Variants in HEBP1 observed in about 807,000 individuals in gnomAD.
HEBP1 encodes the protein heme-binding protein 1.
Under a neutral mutation model 20.4 loss-of-function variants are expected in HEBP1, and 13 were observed. The observed-to-expected ratio is 0.64, with a 90% CI of 0.42 to 1.01. The LOEUF (loss-of-function observed/expected upper bound fraction) is 1.01, where lower values mean the gene tolerates loss of function less well. Among genes scored for constraint, HEBP1 ranks in the 50% least tolerant of loss-of-function variants. The pLI is 0.00. For synonymous variants in HEBP1, 92 were observed against 90.7 expected, an observed-to-expected ratio of 1.01 and a Z score of -0.08; for missense variants, 241 against 247.3, an observed-to-expected ratio of 0.97 and a Z score of 0.17.
At chr12:12,975,598 T>A in intron 3 of HEBP1, 119 bp from the exon 4 acceptor site, 2 of 818,948 alleles carry the variant, frequency 2.4e-6, no homozygotes, top group East Asian at 3.1e-5. Flanking sequence ...GTGGTAAGAC[T>A]GGGGACTGAG....
At chr12:12,997,313 A>C (rs1350418479) in intron 1 of HEBP1, among the ~76,000 whole-genome samples, 1 of 152,236 alleles carries the variant, frequency 6.6e-6, no homozygotes, top group African/African-American at 2.4e-5. Context: ...TTAGAGCAGA[A>C]GCACTTCGAT....
chr12:12,985,096 C>T (rs1323934452), intron 3 of HEBP1, among the ~76,000 whole-genome samples: 1 of 148,952 alleles, frequency 6.7e-6, no homozygotes, highest in East Asian at 2.0e-4. Context: ...TGCAGTGAGC[C>T]AAGATCGCAC....
Position 13,000,040 on chromosome 12 carries a change from G to T in HEBP1, c.75C>A (p.Asp25Glu), listed in dbSNP as rs767626759. The change falls in exon 1 of 4, where the codon GAC (aspartate) becomes GAA (glutamate). Residue 25 changes from aspartate to glutamate, a missense_variant. Asp to Glu is a conservative substitution (Grantham distance 45). Transcript: ENST00000014930. ...CTCGGCAGCCCTGCGGGCCTACCTT[G>T]TCCCCTTTGCTTAGGACCTGCCAAG... The part of the protein sequence containing the change: ...TWPWQVLSKG[D>E]KEEVAYEERA... 1.2e-6 allele frequency: 2 copies of T among 1,609,158 alleles called. No homozygotes were observed. Among genetic ancestry groups the T allele is most frequent in the Non-Finnish European group, 1.7e-6 (2 of 1,176,700 alleles).
In HEBP1 at chr12:12,981,105, G is replaced by A. The variant is rs1400392316; in HGVS notation, c.399-5626C>T. ...TGATGAAGACCTGTGTAGATGGAAG[G>A]GAAGGAAGGGACAGCTGGGAGCTGA... On this transcript the variant is annotated intron_variant, in intron 3 of 3. Coordinates refer to ENST00000014930, the MANE Select transcript of HEBP1 (RefSeq NM_015987.5). Among the ~76,000 whole-genome samples, 8 of 147,126 alleles carry A rather than the reference G, an allele frequency of 5.4e-5. No individual in the cohort carries two copies. In the South Asian group the frequency reaches 1.3e-3, roughly 24 times the overall value.
At position 12,987,210 on chromosome 12, in the gene HEBP1, C is replaced by T. The variant is rs1246131947; in HGVS notation, c.340G>A (p.Ala114Thr). ...ATCTTAACGCTTTTGTCACTGGGAG[C>T]TGGTGGGTCGCTTTGAAATTGGTTT... Reference protein sequence around the residue: ...IPNQFQSDPPAPSDKSVKIEE... With the variant: ...IPNQFQSDPPTPSDKSVKIEE... The change falls in exon 3 of 4, where the codon GCT (alanine) becomes ACT (threonine). Residue 114 changes from alanine (A) to threonine (T), a missense_variant. Transcript: ENST00000014930. 1 of 1,614,076 alleles carries T rather than the reference C, an allele frequency of 6.2e-7. No individual in the cohort carries two copies. The highest frequency in any genetic ancestry group is 1.3e-5 in the African/African-American group (1 of 75,010).
chr12:12,985,401 A>G (rs1864139169), intron 3 of HEBP1, among the ~76,000 whole-genome samples: 1 of 152,156 alleles, frequency 6.6e-6, no homozygotes, highest in Non-Finnish European at 1.5e-5. Context: ...TCGTTGCTGT[A>G]GGTAGGGGAT....
intron 1 of HEBP1, among the ~76,000 whole-genome samples, chr12:12,991,524 A>G (rs1864226017): frequency 6.6e-6 from 1 of 151,932 alleles, no homozygotes; most frequent in African/African-American, 2.4e-5. Flanking sequence ...CCTGGTGTTT[A>G]CTCATTATGG....
intron 3 of HEBP1, chr12:12,983,661 GAT>G (rs1697389155): frequency 2.2e-6 from 1 of 455,930 alleles, no homozygotes. Flanking sequence ...GTTGAGGAAT[GAT>G]CATATGCTGT....
In HEBP1 at chr12:12,987,612, T is replaced by TCTCTCTCTCTCTCTCTCTCTCTCTCTCTC. The variant is rs1230851526; in HGVS notation, c.218-281_218-280insGAGAGAGAGAGAGAGAGAGAGAGAGAGAG. Among the ~76,000 whole-genome samples, 2 of 117,786 alleles carry TCTCTCTCTCTCTCTCTCTCTCTCTCTCTC rather than the reference T, an allele frequency of 1.7e-5. 1 individual carries two copies. The highest frequency in any genetic ancestry group is 6.2e-5 in the African/African-American group (2 of 32,518). The allele number at this position is 117,786 out of a possible 152,430, so 77.3% of individuals were successfully genotyped here. On this transcript the variant is annotated intron_variant, in intron 2 of 3. Transcript: ENST00000014930. The stretch of plus-strand genomic sequence containing the variant: ...TCTTTCTCTCTCTCTCTCTCTCTCT[T>TCTCTCTCTCTCTCTCTCTCTCTCTCTCTC]TCTCTCTCTCTCTCTCTCTCTCTTT...
chr12:12,976,077 CAAAA>C (rs56110606), intron 3 of HEBP1, among the ~76,000 whole-genome samples: 15 of 85,896 alleles, frequency 1.7e-4, no homozygotes, highest in Non-Finnish European at 2.6e-4. Context: ...GACCCTGTGT[CAAAA>C]AAAAAAAAAA....
intron 1 of HEBP1, among the ~76,000 whole-genome samples, chr12:12,999,482 G>A (rs1864328430): frequency 6.6e-6 from 1 of 152,240 alleles, no homozygotes; most frequent in Admixed American, 6.5e-5. Flanking sequence ...CTTGGACAAA[G>A]GGGCATTCCG....
At chr12:12,976,204 A>C (rs578074150) in intron 3 of HEBP1, among the ~76,000 whole-genome samples, 3 of 152,244 alleles carry the variant, frequency 2.0e-5, no homozygotes, top group Non-Finnish European at 4.4e-5. Context: ...ACATGCCCCA[A>C]ATAAAGAAAT....
intron 3 of HEBP1, chr12:12,984,405 C>T (rs566373092): frequency 2.6e-5 from 4 of 152,360 alleles, no homozygotes; most frequent in East Asian, 1.9e-4. Context: ...AACACCACCA[C>T]GTAGGAAATA....
chr12:12,992,626 C>A (rs1864238557), intron 1 of HEBP1, among the ~76,000 whole-genome samples: 1 of 152,172 alleles, frequency 6.6e-6, no homozygotes, highest in South Asian at 2.1e-4. Context: ...CTGTGGGGCA[C>A]CGTGCTGAAT....
At chr12:12,990,126 A>G (rs1409770957) in intron 1 of HEBP1, among the ~76,000 whole-genome samples, 2 of 17,968 alleles carry the variant, frequency 1.1e-4, no homozygotes, top group East Asian at 2.6e-3. Context: ...GCACACACAC[A>G]CACACACACA....
At chr12:12,987,918 G>A (rs1472148140) in intron 2 of HEBP1, among the ~76,000 whole-genome samples, 3 of 152,156 alleles carry the variant, frequency 2.0e-5, no homozygotes, top group African/African-American at 7.2e-5. Context: ...TTACAGGTGT[G>A]AGCCACCATG....
intron 3 of HEBP1, chr12:12,980,043 G>A (rs1036607864): frequency 6.6e-6 from 1 of 152,270 alleles, no homozygotes; most frequent in Non-Finnish European, 1.5e-5. Context: ...ATGACTCTGA[G>A]CTTGACCATT....
intron 2 of HEBP1, among the ~76,000 whole-genome samples, chr12:12,988,665 C>T (rs2136546276): frequency 6.6e-6 from 1 of 152,312 alleles, no homozygotes; most frequent in East Asian, 1.9e-4. Flanking sequence ...GAGTCAAACT[C>T]ATTTTTAAAT....
In HEBP1 at chr12:12,998,224, C is replaced by T. The variant is rs768142638; in HGVS notation, c.78+1813G>A. 5.3e-5 allele frequency among the ~76,000 whole-genome samples: 8 copies of T among 152,064 alleles called. No individual in the cohort carries two copies. Among genetic ancestry groups the T allele is most frequent in the Non-Finnish European group, 1.2e-4 (8 of 68,010 alleles). On this transcript the variant is annotated intron_variant, in intron 1 of 3. Coordinates refer to ENST00000014930, the MANE Select transcript of HEBP1 (RefSeq NM_015987.5). The surrounding 1 kb of genome is among the most constrained non-coding windows in gnomAD (Gnocchi z 4.2). ...TTCATTAGCCAATAAAACATAAGTT[C>T]CATGAGGGCAGAGAATTTTGCTGGT...
Sources: gnomAD v4.1 joint callset for allele counts (sites outside exome capture counted in the v4.1 genomes callset) on GRCh38, gnomAD v4.1.1 for gene constraint, Gnocchi (gnomAD v3.1) non-coding constraint, MANE v1.5 for transcripts, NCBI Gene and HGNC (gene_info 2026-07-23, HGNC 2026-07-21) for gene names.